PFDN5: variants seen among roughly 807,000 people sequenced by gnomAD.
The protein encoded by PFDN5 is c-myc binding protein.
In PFDN5, 13 loss-of-function variants were observed where a neutral mutation model predicts 21.5. The observed-to-expected ratio is 0.60, with a 90% confidence interval of 0.39 to 0.96. PFDN5 has a LOEUF of 0.96. Among genes scored for constraint, PFDN5 ranks in the 40% least tolerant of loss-of-function variants. The pLI is 0.00. For synonymous variants in PFDN5, 84 were observed against 68.9 expected, an observed-to-expected ratio of 1.22 and a Z score of -1.08; for missense variants, 188 against 186.2, an observed-to-expected ratio of 1.01 and a Z score of -0.06.
At position 53,298,220 on chromosome 12, in the gene PFDN5, C is replaced by CG. The variant is rs1944179993; in HGVS notation, c.388+75dup. 38 of 926,384 alleles carry CG rather than the reference C, an allele frequency of 4.1e-5. No individual in the cohort carries two copies. In the South Asian group the frequency reaches 4.4e-4, roughly 11 times the overall value. The allele number at this position is 926,384 out of a possible 1,614,324, so 57.4% of individuals were successfully genotyped here. Reference sequence around the variant, plus strand: ...GGAACATGGATTGCAGTGTGAACCACGGGGGTGTCCCCTTTGCTGGAGTAA... The same window carrying CG: ...GGAACATGGATTGCAGTGTGAACCACGGGGGGTGTCCCCTTTGCTGGAGTAA... On this transcript the variant is annotated intron_variant, in intron 5 of 5. Transcript: ENST00000334478.
chr12:53,296,305 T>C (rs1471579733), intron 3 of PFDN5, 30 bp downstream of exon 3: 7 of 1,579,448 alleles, frequency 4.4e-6, no homozygotes, highest in Non-Finnish European at 6.1e-6. Flanking sequence ...GGCTACCTGC[T>C]GCCTTCTCCC....
intron 5 of PFDN5, 171 bp downstream of exon 5, chr12:53,298,321 G>T: frequency 1.8e-6 from 1 of 549,974 alleles, no homozygotes; most frequent in Non-Finnish European, 3.3e-6. Flanking sequence ...TTCCTGGGTT[G>T]AGCGTTTGAG....
rs187069362 is a variant in PFDN5 at position 53,297,482 on chromosome 12, G to C, written c.208-368G>C. 2.5e-4 allele frequency: 51 copies of C among 200,616 alleles called. 1 individual carries two copies. Among genetic ancestry groups the C allele is most frequent in the Admixed American group, 2.2e-3 (41 of 18,564 alleles). 12.4% of individuals were successfully genotyped at this position (200,616 alleles called of 1,614,324 possible). A position where few individuals can be genotyped will look rare whatever the true frequency, so the allele number is the denominator to read the frequency against. On this transcript the variant is annotated intron_variant, in intron 3 of 5. Coordinates refer to ENST00000334478, the MANE Select transcript of PFDN5 (RefSeq NM_002624.4). ...CTTTGTCAGGAATTAGCTACTTCATGATTGAGGGCATTAAGGGAAATGAGG... is the reference window on the plus strand; with the variant it reads ...CTTTGTCAGGAATTAGCTACTTCATCATTGAGGGCATTAAGGGAAATGAGG...
Position 53,299,262 on chromosome 12 carries a change from T to TC in PFDN5, c.389-5dup, listed in dbSNP as rs1274772899. 1 of 1,607,700 alleles carries TC rather than the reference T, an allele frequency of 6.2e-7. No individual in the cohort carries two copies. The highest frequency in any genetic ancestry group is 1.1e-5 in the South Asian group (1 of 90,836). ...TTCTAACCTTTGACTCTTATTTTTT[T>TC]CCACAGCCGTCATGGAAATGATGAG... is the stretch of plus-strand genomic sequence containing the variant. On this transcript the variant is annotated splice_region_variant and splice_polypyrimidine_tract_variant and intron_variant, in intron 5 of 5. Transcript: ENST00000334478.
intron 5 of PFDN5, chr12:53,298,383 T>C (rs892082689): frequency 6.6e-6 from 3 of 455,152 alleles, no homozygotes; most frequent in Admixed American, 3.4e-5. Flanking sequence ...TCCTATTTAA[T>C]GACGATGGAA....
chr12:53,298,712 G>T, intron 5 of PFDN5: 1 of 154,930 alleles, frequency 6.5e-6, no homozygotes, highest in Non-Finnish European at 1.4e-5. Context: ...TATATCTTTG[G>T]TTAGCAGGTT....
In PFDN5 at chr12:53,295,637, C is replaced by A. The variant is rs760182513; in HGVS notation, c.70C>A (p.Gln24Lys). The change falls in exon 1 of 6, where the codon CAG (glutamine) becomes AAG (lysine). Residue 24 changes from glutamine (Q) to lysine (K), a missense_variant and splice_region_variant. Transcript: ENST00000334478. ...QLEMLKNQLD[Q>K]EVEFLSTSIA... is the part of the protein sequence containing the mutation. ...AGAAATGCTCAAGAACCAGCTGGAC[C>A]AGGTGGGGACGGGCCCCAGAGGCAC... The A allele has an allele frequency of 1.9e-5, 30 of 1,613,096 alleles. No individual in the cohort carries two copies. The highest frequency in any genetic ancestry group is 2.7e-5 in the African/African-American group (2 of 75,046).
Position 53,299,253 on chromosome 12 carries a change from T to A in PFDN5, c.389-16T>A. ...CCTTTTTGCTTCTAACCTTTGACTC[T>A]TATTTTTTTCCACAGCCGTCATGGA... On this transcript the variant is annotated splice_polypyrimidine_tract_variant and intron_variant, in intron 5 of 5. Coordinates refer to ENST00000334478, the MANE Select transcript of PFDN5 (RefSeq NM_002624.4). 3.1e-6 allele frequency: 5 copies of A among 1,599,440 alleles called. No homozygotes were observed. Among genetic ancestry groups the A allele is most frequent in the Non-Finnish European group, 4.3e-6 (5 of 1,167,570 alleles).
At chr12:53,295,759 C>A (rs1013593290) in intron 1 of PFDN5, 80 bp from the exon 2 acceptor site, 4 of 1,253,222 alleles carry the variant, frequency 3.2e-6, no homozygotes, top group Admixed American at 1.7e-5. Context: ...TCTATCCGAT[C>A]CCAGGACCTG....
At chr12:53,296,588 TAGTAG>T in intron 3 of PFDN5, 2 of 430,112 alleles carry the variant, frequency 4.6e-6, no homozygotes, top group Non-Finnish European at 8.5e-6. Context: ...TTTGTATTAA[TAGTAG>T]AGTTGGGGGT....
At chr12:53,299,089 T>TC (rs1227244043) in intron 5 of PFDN5, 180 bp from the exon 6 acceptor site, 1 of 428,196 alleles carries the variant, frequency 2.3e-6, no homozygotes, top group African/African-American at 2.1e-5. Context: ...TGAGCCAAGA[T>TC]CGTGCCACTG....
intron 3 of PFDN5, 70 bp downstream of exon 3, chr12:53,296,345 A>T: frequency 8.2e-7 from 1 of 1,214,050 alleles, no homozygotes; most frequent in Non-Finnish European, 1.2e-6. Context: ...AAAAGCGGGG[A>T]GGGGGATTGT....
Position 53,299,303 on chromosome 12 carries a change from G to A in PFDN5, c.423G>A (p.Gln141=). Residue 141 remains glutamine, a synonymous_variant, in exon 6 of 6, where the codon CAG becomes CAA. Transcript: ENST00000334478. ...VMEMMSQKIQ[Q]LTALGAAQAT... ...AAATGATGAGTCAGAAGATTCAGCAGCTCACAGCCCTGGGGGCAGCTCAGG... is the reference window on the plus strand; with the variant it reads ...AAATGATGAGTCAGAAGATTCAGCAACTCACAGCCCTGGGGGCAGCTCAGG... 2 of 1,612,958 alleles carry A rather than the reference G, an allele frequency of 1.2e-6. No homozygotes were observed. Among genetic ancestry groups the A allele is most frequent in the Non-Finnish European group, 8.5e-7 (1 of 1,179,488 alleles).
rs1201157683 is a variant in PFDN5 at position 53,295,584 on chromosome 12, A to G, written c.17A>G (p.Asn6Ser). MAQSI[N>S]ITELNLPQLE... ...CTTCCCAACATGGCGCAGTCTATTA[A>G]CATCACGGAGCTGAATCTGCCGCAG... is the stretch of plus-strand genomic sequence containing the variant. Residue 6 changes from asparagine to serine, a missense_variant, in exon 1 of 6, where the codon AAC becomes AGC. Coordinates refer to ENST00000334478, the MANE Select transcript of PFDN5 (RefSeq NM_002624.4). 2 of 1,613,994 alleles carry G rather than the reference A, an allele frequency of 1.2e-6. No homozygotes were observed. Among genetic ancestry groups the G allele is most frequent in the Admixed American group, 3.3e-5 (2 of 60,022 alleles).
At position 53,295,575 on chromosome 12, in the gene PFDN5, AG is replaced by A; in HGVS notation, c.9del (p.Gln3HisfsTer8). 1 of 1,613,358 alleles carries A rather than the reference AG, an allele frequency of 6.2e-7. No individual in the cohort carries two copies. The highest frequency in any genetic ancestry group is 8.5e-7 in the Non-Finnish European group (1 of 1,179,458). ...TAAGTCGGCCTTCCCAACATGGCGC[AG>A]TCTATTAACATCACGGAGCTGAATC... MA[Q>X]SINITELNLP... is the part of the protein sequence containing the mutation. On this transcript the variant is annotated frameshift_variant, in exon 1 of 6. Coordinates refer to ENST00000334478, the MANE Select transcript of PFDN5 (RefSeq NM_002624.4). LOFTEE classifies it high-confidence loss of function.
At chr12:53,299,209 C>A in intron 5 of PFDN5, 60 bp from the exon 6 acceptor site, 1 of 1,144,466 alleles carries the variant, frequency 8.7e-7, no homozygotes, top group Non-Finnish European at 1.3e-6. Context: ...CCTGTCACTT[C>A]TCCTTAACTC....
Position 53,295,597 on chromosome 12 carries a change from G to A in PFDN5, c.30G>A (p.Leu10=). The A allele has an allele frequency of 1.2e-6, 2 of 1,614,090 alleles. No individual in the cohort carries two copies. The highest frequency in any genetic ancestry group is 3.3e-5 in the Admixed American group (2 of 60,024). Residue 10 remains leucine, a synonymous_variant, in exon 1 of 6, where the codon CTG becomes CTA. Coordinates refer to ENST00000334478, the MANE Select transcript of PFDN5 (RefSeq NM_002624.4). MAQSINITE[L]NLPQLEMLKN... is the part of the protein sequence containing the mutation. ...CGCAGTCTATTAACATCACGGAGCT[G>A]AATCTGCCGCAGCTAGAAATGCTCA...
chr12:53,296,091 T>C, intron 2 of PFDN5, 150 bp downstream of exon 2: 2 of 793,030 alleles, frequency 2.5e-6, no homozygotes. Context: ...CTGCCTAGAA[T>C]TGAAAAGTAC....
intron 2 of PFDN5, 144 bp downstream of exon 2, chr12:53,296,085 C>A: frequency 1.3e-6 from 1 of 788,758 alleles, no homozygotes; most frequent in South Asian, 1.5e-5. Flanking sequence ...TGTTGCCTGC[C>A]TAGAATTGAA....
Sources: allele counts gnomAD v4.1 joint callset, GRCh38; gene constraint gnomAD v4.1.1; transcripts MANE v1.5; gene names NCBI Gene and HGNC (gene_info 2026-07-23, HGNC 2026-07-21).